FAM13C: variants seen among roughly 807,000 people sequenced by gnomAD.
FAM13C encodes the protein protein FAM13C.
In FAM13C, 37 loss-of-function variants were observed where a neutral mutation model predicts 73.2. The observed-to-expected ratio is 0.51, with a 90% confidence interval of 0.39 to 0.67. The LOEUF is 0.67. FAM13C is among the 30% of genes least tolerant of loss of function. The pLI is 0.00. For synonymous variants in FAM13C, 246 were observed against 260.9 expected, an observed-to-expected ratio of 0.94 and a Z score of 0.55; for missense variants, 589 against 715.6, an observed-to-expected ratio of 0.82 and a Z score of 2.02.
At chr10:59,353,684 G>A (rs886582768) in intron 2 of FAM13C, among the ~76,000 whole-genome samples, 2 of 152,098 alleles carry the variant, frequency 1.3e-5, no homozygotes, top group Non-Finnish European at 2.9e-5. Context: ...GTAGTCTTTG[G>A]GAAAAGAGCA....
intron 6 of FAM13C, among the ~76,000 whole-genome samples, chr10:59,279,471 A>G (rs2133651775): frequency 6.6e-6 from 1 of 152,344 alleles, no homozygotes; most frequent in Non-Finnish European, 1.5e-5. Flanking sequence ...AAGATTTTAG[A>G]AAAATATAAT....
chr10:59,254,761 C>T (rs551418183), intron 10 of FAM13C, among the ~76,000 whole-genome samples: 1 of 152,082 alleles, frequency 6.6e-6, no homozygotes, highest in South Asian at 2.1e-4. Context: ...CACCACCATG[C>T]CTGGCTAATT....
upstream of FAM13C, chr10:59,363,116 G>A (rs546380507): frequency 6.5e-6 from 1 of 152,770 alleles, no homozygotes; most frequent in East Asian, 1.9e-4. Flanking sequence ...CACCTGATCT[G>A]TCTAGAGCGC....
chr10:59,290,758 T>C (rs1228094132), intron 5 of FAM13C, among the ~76,000 whole-genome samples: 1 of 152,164 alleles, frequency 6.6e-6, no homozygotes, highest in Non-Finnish European at 1.5e-5. Context: ...CGTACCTCCA[T>C]TGTTTACTGC....
intron 5 of FAM13C, among the ~76,000 whole-genome samples, chr10:59,294,628 G>A (rs1846682283): frequency 6.6e-6 from 1 of 152,194 alleles, no homozygotes; most frequent in Non-Finnish European, 1.5e-5. Flanking sequence ...CTGAACAATG[G>A]GGCAGAATAA....
At chr10:59,320,943 T>A (rs1248623431) in intron 4 of FAM13C, among the ~76,000 whole-genome samples, 1 of 152,234 alleles carries the variant, frequency 6.6e-6, no homozygotes, top group African/African-American at 2.4e-5. Context: ...TCATGTGTTT[T>A]CGAACTTGGA....
Position 59,283,402 on chromosome 10 carries a change from A to G in FAM13C, c.553T>C (p.Ser185Pro). 6.2e-7 allele frequency: 1 copy of G among 1,614,204 alleles called. No individual in the cohort carries two copies. Among genetic ancestry groups the G allele is most frequent in the South Asian group, 1.1e-5 (1 of 91,082 alleles). The part of the protein sequence containing the change: ...VHGVKDPAPA[S>P]TQSVLADGTD... ...CCATCGGCAAGCACGCTCTGGGTTG[A>G]TGCTGGCGCCGGGTCCTTGACTCCA... Residue 185 changes from serine (S) to proline (P), a missense_variant, in exon 6 of 14, where the codon TCA (serine) becomes CCA (proline). By Grantham distance (74) the Ser-to-Pro change is moderately conservative. Transcript: ENST00000618804.
intron 9 of FAM13C, chr10:59,263,802 A>G (rs867422099): frequency 1.7e-4 from 66 of 394,750 alleles, no homozygotes; most frequent in African/African-American, 1.2e-3. Flanking sequence ...CCAATAACCT[A>G]GGGAGGTTAG....
chr10:59,323,481 G>C (rs1050603145), intron 4 of FAM13C: 1 of 165,652 alleles, frequency 6.0e-6, no homozygotes, highest in Non-Finnish European at 1.3e-5. Context: ...TCAGACATTT[G>C]TGGGTTCAAA....
intron 5 of FAM13C, among the ~76,000 whole-genome samples, chr10:59,284,324 C>T (rs778411041): frequency 1.2e-4 from 19 of 152,040 alleles, no homozygotes; most frequent in Non-Finnish European, 2.1e-4. Flanking sequence ...GAAAGTGAGT[C>T]AGCCTGAGTC....
In FAM13C at chr10:59,360,854, A is replaced by G. The variant is rs946056701; in HGVS notation, c.62+1545T>C. Among the ~76,000 whole-genome samples, 22 of 63,610 alleles carry G rather than the reference A, an allele frequency of 3.5e-4. No individual in the cohort carries two copies. The African/African-American group carries it at 3.6e-3, about 10-fold the overall frequency. 41.7% of individuals were successfully genotyped at this position (63,610 alleles called of 152,430 possible). ...GCATTTAACCACGAAACCTCTACAG[A>G]AAAAAAAAAAAAAAAAAAAAAAAAA... On this transcript the variant is annotated intron_variant, in intron 1 of 13. Transcript: ENST00000618804.
At chr10:59,314,483 A>T (rs1490176881) in intron 4 of FAM13C, among the ~76,000 whole-genome samples, 1 of 152,226 alleles carries the variant, frequency 6.6e-6, no homozygotes, top group Non-Finnish European at 1.5e-5. Context: ...CATACTGCCA[A>T]GGCCTTTCCT....
At chr10:59,254,312 A>G (rs757519015) in intron 11 of FAM13C, 36 bp downstream of exon 11, 13 of 1,363,304 alleles carry the variant, frequency 9.5e-6, no homozygotes, top group Non-Finnish European at 1.3e-5. Flanking sequence ...ACTACACATC[A>G]GTACAAAGTA....
intron 10 of FAM13C, among the ~76,000 whole-genome samples, chr10:59,259,710 AATAG>A (rs1490360949): frequency 6.6e-6 from 1 of 152,204 alleles, no homozygotes; most frequent in African/African-American, 2.4e-5. Context: ...TAAACAAAAT[AATAG>A]ATACTTCATT....
intron 9 of FAM13C, among the ~76,000 whole-genome samples, chr10:59,263,666 C>A (rs542993436): frequency 6.6e-6 from 1 of 152,288 alleles, no homozygotes; most frequent in African/African-American, 2.4e-5. Flanking sequence ...ACATTCTACA[C>A]CTGGCCCACC....
chr10:59,284,405 C>A (rs1247859888), intron 5 of FAM13C, among the ~76,000 whole-genome samples: 1 of 151,968 alleles, frequency 6.6e-6, no homozygotes, highest in Non-Finnish European at 1.5e-5. Context: ...CCTCCCAGCT[C>A]CAGCAGGGGT....
intron 4 of FAM13C, among the ~76,000 whole-genome samples, chr10:59,317,157 G>C (rs1589583985): frequency 7.9e-6 from 1 of 127,338 alleles, no homozygotes; most frequent in South Asian, 2.6e-4. Context: ...TGTGTGTGTA[G>C]TATTTAATGT....
chr10:59,309,854 T>C (rs1034767127), intron 4 of FAM13C, among the ~76,000 whole-genome samples: 1 of 152,230 alleles, frequency 6.6e-6, no homozygotes, highest in African/African-American at 2.4e-5. Flanking sequence ...CATATGTTTG[T>C]AAATAACGTA....
chr10:59,335,003 G>T (rs1852533218), intron 3 of FAM13C, among the ~76,000 whole-genome samples: 1 of 152,162 alleles, frequency 6.6e-6, no homozygotes, highest in Non-Finnish European at 1.5e-5. Flanking sequence ...GTTCCACAAA[G>T]GTGCAAAATA....
Sources: allele counts gnomAD v4.1 joint callset (sites outside exome capture counted in the v4.1 genomes callset), GRCh38; gene constraint gnomAD v4.1.1; transcripts MANE v1.5; gene names NCBI Gene and HGNC (gene_info 2026-07-23, HGNC 2026-07-21).